The following IL1RAPL1 variants were observed in gnomAD, a reference collection of about 807,000 sequenced individuals.
IL1RAPL1 encodes the protein interleukin 1 receptor accessory protein like 1, also known as interleukin-1 receptor accessory protein-like 1.
IL1RAPL1 carries 3 observed loss-of-function variants against 48.4 expected under a neutral mutation model. That is an observed-to-expected ratio of 0.06 (90% CI 0.03 to 0.16). The LOEUF is 0.16. IL1RAPL1 is among the 10% of genes least tolerant of loss of function. The pLI, the probability that IL1RAPL1 is intolerant of heterozygous loss-of-function variation, is 1.00. For missense variants in IL1RAPL1, 349 were observed against 530.6 expected (o/e 0.66, Z 3.36); for synonymous variants, 185 against 187.7 (o/e 0.99, Z 0.12).
intron 6 of IL1RAPL1, among the ~76,000 whole-genome samples, chrX:29,799,255 T>C (rs1220984872): frequency 2.7e-5 from 3 of 112,635 alleles, no homozygotes; most frequent in Non-Finnish European, 5.6e-5. Flanking sequence ...TGTTTCGTTA[T>C]ACTTTTCTTG....
intron 6 of IL1RAPL1, among the ~76,000 whole-genome samples, chrX:29,693,109 C>G (rs1433059566): frequency 8.9e-6 from 1 of 111,892 alleles, no homozygotes; most frequent in Non-Finnish European, 1.9e-5. Context: ...AACATATTGT[C>G]CCTGTGATGA....
At chrX:28,606,850 A>C (rs888628571) in intron 1 of IL1RAPL1, among the ~76,000 whole-genome samples, 1 of 111,453 alleles carries the variant, frequency 9.0e-6, no homozygotes, top group Non-Finnish European at 1.9e-5. Flanking sequence ...AGAGTTCAAC[A>C]TGTTTAACAT....
At chrX:29,747,263 T>C (rs1269367930) in intron 6 of IL1RAPL1, among the ~76,000 whole-genome samples, 2 of 112,459 alleles carry the variant, frequency 1.8e-5, no homozygotes, top group African/African-American at 6.5e-5. Flanking sequence ...CCATTGTGAA[T>C]TTCTGAAGCC....
intron 3 of IL1RAPL1, among the ~76,000 whole-genome samples, chrX:29,344,189 T>A (rs747818136): frequency 1.8e-5 from 2 of 112,581 alleles, no homozygotes; most frequent in South Asian, 7.3e-4. Context: ...CTTAGTCTTT[T>A]ATGGTTGGGT....
chrX:29,873,523 C>T (rs953389477), intron 6 of IL1RAPL1, among the ~76,000 whole-genome samples: 1 of 111,465 alleles, frequency 9.0e-6, no homozygotes, highest in Non-Finnish European at 1.9e-5. Context: ...TTAGACCCCC[C>T]ACTTCCGCCC....
chrX:28,774,309 C>T (rs1032889362), intron 1 of IL1RAPL1, among the ~76,000 whole-genome samples: 3 of 111,544 alleles, frequency 2.7e-5, no homozygotes, highest in African/African-American at 9.8e-5. Context: ...GTTATCCAAA[C>T]CTTAGTGTCT....
At chrX:29,723,495 C>T (rs1319237394) in intron 6 of IL1RAPL1, among the ~76,000 whole-genome samples, 1 of 111,522 alleles carries the variant, frequency 9.0e-6, no homozygotes, top group East Asian at 2.8e-4. Context: ...GTGATCTGGC[C>T]ACCTTGGCCT....
chrX:28,674,233 T>C (rs1488893915), intron 1 of IL1RAPL1, among the ~76,000 whole-genome samples: 1 of 110,893 alleles, frequency 9.0e-6, no homozygotes, highest in African/African-American at 3.3e-5. Flanking sequence ...TGCTTTATTA[T>C]TCTGTGGCTA....
intron 5 of IL1RAPL1, among the ~76,000 whole-genome samples, chrX:29,594,394 A>T (rs1022466179): frequency 2.7e-5 from 3 of 111,498 alleles, no homozygotes; most frequent in African/African-American, 9.8e-5. Flanking sequence ...GTAATAATAT[A>T]TATTATAAAG....
chrX:29,802,809 ATGTG>A (rs749866102), intron 6 of IL1RAPL1, among the ~76,000 whole-genome samples: 21 of 46,798 alleles, frequency 4.5e-4, no homozygotes, highest in Admixed American at 2.6e-3. Context: ...ATATATATAT[ATGTG>A]TGTATATATA....
intron 6 of IL1RAPL1, among the ~76,000 whole-genome samples, chrX:29,847,937 T>A (rs938795493): frequency 1.8e-5 from 2 of 111,691 alleles, no homozygotes; most frequent in Admixed American, 1.9e-4. Context: ...TCTGGAAATA[T>A]GATCCATTCT....
chrX:29,774,811 G>C (rs950122949), intron 6 of IL1RAPL1, among the ~76,000 whole-genome samples: 4 of 111,795 alleles, frequency 3.6e-5, no homozygotes, highest in African/African-American at 9.7e-5. Flanking sequence ...TTTTAAATTA[G>C]ATCCCCACTG....
At chrX:29,271,776 G>T (rs189130851) in intron 2 of IL1RAPL1, among the ~76,000 whole-genome samples, 35 of 111,959 alleles carry the variant, frequency 3.1e-4, no homozygotes, top group Admixed American at 1.6e-3. Flanking sequence ...ACCTTTGTTG[G>T]ATGCACAGTT....
At position 29,235,990 on chromosome X, in the gene IL1RAPL1, C is replaced by T. The variant is rs753253509; in HGVS notation, c.83-46948C>T. 2.9e-4 allele frequency among the ~76,000 whole-genome samples: 33 copies of T among 112,173 alleles called. No homozygotes were observed. The Admixed American group carries it at 3.1e-3, about 11-fold the overall frequency. On this transcript the variant is annotated intron_variant, in intron 2 of 10. Transcript: ENST00000378993. Reference sequence around the variant, plus strand: ...AACATAATGTCGAGAAGCAAGATTTCTGTACTCTATTGATGTGTTTAAGCA... The same window carrying T: ...AACATAATGTCGAGAAGCAAGATTTTTGTACTCTATTGATGTGTTTAAGCA...
chrX:29,166,774 G>C lies in IL1RAPL1; in HGVS notation c.83-116164G>C, dbSNP rs369917695. 1.5e-4 allele frequency among the ~76,000 whole-genome samples: 17 copies of C among 110,922 alleles called. No individual in the cohort carries two copies. In the East Asian group the frequency reaches 1.7e-3, roughly 11 times the overall value. On this transcript the variant is annotated intron_variant, in intron 2 of 10. Transcript: ENST00000378993. ...CCATTCCTCTCATCTTACTCTCTCAGCTTCTCTCACCATGAAAGTGCATGC... is the reference window on the plus strand; with the variant it reads ...CCATTCCTCTCATCTTACTCTCTCACCTTCTCTCACCATGAAAGTGCATGC...
At chrX:28,825,254 T>C (rs1936981002) in intron 2 of IL1RAPL1, among the ~76,000 whole-genome samples, 1 of 111,755 alleles carries the variant, frequency 8.9e-6, no homozygotes, top group Admixed American at 9.5e-5. Context: ...GAAGTTGTCA[T>C]GAAAAGGCAT....
intron 1 of IL1RAPL1, among the ~76,000 whole-genome samples, chrX:28,779,664 A>G (rs1213944669): frequency 1.7e-4 from 15 of 88,251 alleles, no homozygotes; most frequent in African/African-American, 4.0e-4. Context: ...ATATATATAT[A>G]TATATATATA....
At chrX:28,831,056 G>C (rs1319662297) in intron 2 of IL1RAPL1, among the ~76,000 whole-genome samples, 1 of 91,366 alleles carries the variant, frequency 1.1e-5, no homozygotes, top group African/African-American at 4.3e-5. Context: ...GTGTGTGTGT[G>C]TGTGTGTGTG....
At chrX:28,815,962 A>G (rs1186929627) in intron 2 of IL1RAPL1, among the ~76,000 whole-genome samples, 1 of 97,668 alleles carries the variant, frequency 1.0e-5, no homozygotes, top group Non-Finnish European at 2.1e-5. Flanking sequence ...TAGTGCTACA[A>G]TAAACATAGG....
Sources: gnomAD v4.1 joint callset for allele counts (sites outside exome capture counted in the v4.1 genomes callset) on GRCh38, gnomAD v4.1.1 for gene constraint, MANE v1.5 for transcripts, NCBI Gene and HGNC (gene_info 2026-07-23, HGNC 2026-07-21) for gene names.